INO80: variants seen among roughly 807,000 people sequenced by gnomAD.
INO80 encodes INO80 complex ATPase subunit, also known as chromatin-remodeling ATPase INO80.
Under a neutral mutation model 203.4 loss-of-function variants are expected in INO80, and 20 were observed. The ratio of observed to expected loss-of-function variants is 0.10; its 90% CI spans 0.07 to 0.14. INO80 has a LOEUF of 0.14. Among genes scored for constraint, INO80 ranks in the 10% least tolerant of loss-of-function variants. INO80 has a pLI of 1.00. For synonymous variants in INO80, 726 were observed against 685.2 expected (o/e 1.06, Z -0.93); for missense variants, 1,419 against 1,914.4 (o/e 0.74, Z 4.83).
Position 40,983,007 on chromosome 15 carries a change from A to G in INO80, c.4308T>C (p.Gly1436=). ...HSARSRGRPK[G]SGSTAKGAGK... is the part of the protein sequence containing the mutation. Reference sequence around the variant, plus strand: ...CTGCTCCTTTGGCTGTGCTTCCTGAACCTTTGGGGCGGCCTCGGCTTCGGG... The same window carrying G: ...CTGCTCCTTTGGCTGTGCTTCCTGAGCCTTTGGGGCGGCCTCGGCTTCGGG... Residue 1436 remains glycine, a synonymous_variant, in exon 35 of 36, where the codon GGT becomes GGC. Transcript: ENST00000648947. 1 of 1,613,836 alleles carries G rather than the reference A, an allele frequency of 6.2e-7. No individual in the cohort carries two copies. Among genetic ancestry groups the G allele is most frequent in the Non-Finnish European group, 8.5e-7 (1 of 1,179,958 alleles).
intron 1 of INO80, among the ~76,000 whole-genome samples, chr15:41,098,276 C>T (rs538941995): frequency 6.6e-6 from 1 of 152,308 alleles, no homozygotes; most frequent in East Asian, 1.9e-4. Context: ...AGAAAATCTT[C>T]ATGACTGACC....
chr15:41,105,583 A>G (rs2045869146), intron 1 of INO80, among the ~76,000 whole-genome samples: 1 of 152,220 alleles, frequency 6.6e-6, no homozygotes, highest in African/African-American at 2.4e-5. Context: ...TACTCCAAGC[A>G]TGAAGTACTT....
intron 19 of INO80, among the ~76,000 whole-genome samples, chr15:41,051,127 T>TTAAAAAAAAAAAAAA (rs2044862037): frequency 2.8e-5 from 1 of 35,752 alleles, no homozygotes. Context: ...AGACTCCATC[T>TTAAAAAAAAAAAAAA]CAAAAAAAAA....
At chr15:41,099,270 A>AC (rs1566948921) in intron 1 of INO80, among the ~76,000 whole-genome samples, 24 of 124,480 alleles carry the variant, frequency 1.9e-4, no homozygotes, top group African/African-American at 3.3e-4. Flanking sequence ...AAAAAAAACA[A>AC]ACACACACAC....
intron 14 of INO80, among the ~76,000 whole-genome samples, chr15:41,062,235 T>G (rs1275144071): frequency 1.3e-5 from 2 of 152,112 alleles, no homozygotes; most frequent in African/African-American, 4.8e-5. Context: ...ATCCAGAAAG[T>G]AGTAACTCTT....
At chr15:41,105,588 G>A (rs1439327794) in intron 1 of INO80, among the ~76,000 whole-genome samples, 1 of 152,138 alleles carries the variant, frequency 6.6e-6, no homozygotes, top group Non-Finnish European at 1.5e-5. Flanking sequence ...CAAGCATGAA[G>A]TACTTCCAGC....
intron 4 of INO80, 41 bp from the exon 5 acceptor site, chr15:41,092,223 G>T (rs2045656491): frequency 2.6e-6 from 4 of 1,512,930 alleles, no homozygotes; most frequent in South Asian, 1.2e-5. Flanking sequence ...TTGCTGTGAA[G>T]CAATCCCATT....
chr15:41,032,087 GCACAGC>G (rs2044496143), intron 24 of INO80, among the ~76,000 whole-genome samples: 1 of 146,054 alleles, frequency 6.8e-6, no homozygotes, highest in African/African-American at 2.5e-5. Flanking sequence ...GCACAGCACA[GCACAGC>G]ACAGCACAGC....
intron 13 of INO80, 24 bp downstream of exon 13, chr15:41,070,443 G>T: frequency 6.3e-7 from 1 of 1,587,176 alleles, no homozygotes; most frequent in Non-Finnish European, 8.7e-7. Flanking sequence ...GAGAAATGAA[G>T]ATAGAAAGAT....
At chr15:41,069,465 C>G (rs1456338351) in intron 14 of INO80, 105 bp downstream of exon 14, 1 of 630,376 alleles carries the variant, frequency 1.6e-6, no homozygotes, top group Non-Finnish European at 2.6e-6. Flanking sequence ...CCCCCAAGTC[C>G]GGCCAAAATT....
intron 4 of INO80, among the ~76,000 whole-genome samples, chr15:41,094,089 A>C (rs1488824026): frequency 6.6e-6 from 1 of 152,218 alleles, no homozygotes; most frequent in African/African-American, 2.4e-5. Flanking sequence ...AAGAGAAATA[A>C]TTAGTTTCAA....
chr15:41,073,595 A>G, intron 10 of INO80, 100 bp from the exon 11 acceptor site: 2 of 976,638 alleles, frequency 2.0e-6, no homozygotes, highest in African/African-American at 1.6e-5. Context: ...CCCTCATTCT[A>G]CTTATCCCTG....
rs116022510 is a variant in INO80, at chr15:41,041,801, C to T, written c.2907+3103G>A. Among the ~76,000 whole-genome samples, 1,018 of 150,636 alleles carry T rather than the reference C, an allele frequency of 6.8e-3. 14 individuals carry two copies. Among genetic ancestry groups the T allele is most frequent in the African/African-American group, 0.024 (980 of 41,090 alleles). On this transcript the variant is annotated intron_variant, in intron 24 of 35. Coordinates refer to ENST00000648947, the MANE Select transcript of INO80 (RefSeq NM_017553.3). ...ACCTTTAAGAGTGGATAATATCTAA[C>T]GATCATTTTGCTTGGCTGAAAGGAA...
rs1400900274 is a variant in INO80 at position 41,086,351 on chromosome 15, G to A, written c.659-768C>T. ...GGAAGGCTAAAAGGAGCCTTTTTGA[G>A]TACAATTCATACCTTTAAGCCAGGT... is the stretch of plus-strand genomic sequence containing the variant. On this transcript the variant is annotated intron_variant, in intron 6 of 35. Coordinates refer to ENST00000648947, the MANE Select transcript of INO80 (RefSeq NM_017553.3). 3.9e-5 allele frequency among the ~76,000 whole-genome samples: 6 copies of A among 152,068 alleles called. No individual in the cohort carries two copies. The South Asian group carries it at 6.2e-4, about 16-fold the overall frequency.
Position 40,980,024 on chromosome 15 carries a change from A to G in INO80, c.*199T>C, listed in dbSNP as rs1248794100. On this transcript the variant is annotated 3_prime_UTR_variant, in exon 36 of 36. Transcript: ENST00000648947. ...ATCCATGCCCTGTGGCCTTCCTCCT[A>G]CAGGCACCCCAGATGCTCCTGATGA... 3.4e-6 allele frequency: 2 copies of G among 594,034 alleles called. No individual in the cohort carries two copies. The highest frequency in any genetic ancestry group is 1.9e-5 in the African/African-American group (1 of 53,640). 36.8% of individuals were successfully genotyped at this position (594,034 alleles called of 1,614,324 possible). A position where few individuals can be genotyped will look rare whatever the true frequency, so the allele number is the denominator to read the frequency against.
At chr15:40,996,176 A>G (rs2140425624) in intron 29 of INO80, among the ~76,000 whole-genome samples, 1 of 152,292 alleles carries the variant, frequency 6.6e-6, no homozygotes, top group Admixed American at 6.5e-5. Context: ...TATATGTCAG[A>G]GAGGCACCAC....
intron 9 of INO80, among the ~76,000 whole-genome samples, chr15:41,075,261 T>C (rs1232080640): frequency 1.3e-5 from 2 of 151,450 alleles, no homozygotes; most frequent in Non-Finnish European, 2.9e-5. Context: ...AATGTACACA[T>C]GTCAGAAACT....
intron 35 of INO80, 34 bp downstream of exon 35, chr15:40,982,828 G>A (rs746245276): frequency 1.3e-6 from 2 of 1,555,656 alleles, no homozygotes; most frequent in South Asian, 1.1e-5. Context: ...TCTCTGACCA[G>A]AACAAAGTCT....
intron 26 of INO80, 36 bp from the exon 27 acceptor site, chr15:41,016,251 T>C (rs1289737126): frequency 2.2e-5 from 36 of 1,602,218 alleles, no homozygotes; most frequent in Non-Finnish European, 3.0e-5. Context: ...GGGAACTGTA[T>C]TTAATTGAAG....
Sources: allele counts gnomAD v4.1 joint callset (sites outside exome capture counted in the v4.1 genomes callset), GRCh38; gene constraint gnomAD v4.1.1; transcripts MANE v1.5; gene names NCBI Gene and HGNC (gene_info 2026-07-23, HGNC 2026-07-21).